Variants in HIF3A observed in about 807,000 individuals in gnomAD.
HIF3A encodes the protein hypoxia-inducible factor 3-alpha.
In HIF3A, 41 loss-of-function variants were observed where a neutral mutation model predicts 67.2. The observed-to-expected ratio is 0.61, with a 90% CI of 0.48 to 0.79. HIF3A has a LOEUF of 0.79. Ranked by LOEUF, HIF3A falls within the 30% of genes least tolerant of loss-of-function variation. HIF3A has a pLI of 0.00. For synonymous variants in HIF3A, 356 were observed against 374.8 expected (o/e 0.95, Z 0.58); for missense variants, 855 against 898.0 (o/e 0.95, Z 0.61).
At position 46,341,382 on chromosome 19, in the gene HIF3A, T is replaced by G. The variant is rs560358228; in HGVS notation, c.*1760T>G. ...GCCCAGCTAAGTTTTATATTTTTAG[T>G]AGAGACAGTGTTTCACCATGTTGGC... On this transcript the variant is annotated 3_prime_UTR_variant, in exon 15 of 15. Coordinates refer to ENST00000377670, the MANE Select transcript of HIF3A (RefSeq NM_152795.4). 1.3e-5 allele frequency: 2 copies of G among 152,186 alleles called. No individual in the cohort carries two copies. Among genetic ancestry groups the G allele is most frequent in the African/African-American group, 4.8e-5 (2 of 41,532 alleles). 9.4% of individuals were successfully genotyped at this position (152,186 alleles called of 1,614,324 possible). A position where few individuals can be genotyped will look rare whatever the true frequency, so the allele number is the denominator to read the frequency against.
chr19:46,324,943 C>CACAT (rs1970652028), intron 10 of HIF3A, among the ~76,000 whole-genome samples: 1 of 132,252 alleles, frequency 7.6e-6, no homozygotes, highest in African/African-American at 2.8e-5. Flanking sequence ...TATATATATA[C>CACAT]ATATATATAT....
In HIF3A at chr19:46,297,605, T is replaced by G. The variant is rs1182027402; in HGVS notation, c.26+503T>G. ...GTCCCTTGGAATGGCATTCAGCTCC[T>G]GAGTTCAAGAGAGGAGAGATCTCCT... On this transcript the variant is annotated intron_variant, in intron 1 of 14. Transcript: ENST00000377670. This position sits in a 1 kb window ranked among gnomAD's most constrained non-coding sequence, Gnocchi z 4.5. 1.3e-5 allele frequency among the ~76,000 whole-genome samples: 2 copies of G among 152,056 alleles called. No homozygotes were observed. Among genetic ancestry groups the G allele is most frequent in the African/African-American group, 4.8e-5 (2 of 41,420 alleles).
At chr19:46,298,935 G>A (rs1968095179) in intron 1 of HIF3A, among the ~76,000 whole-genome samples, 1 of 152,186 alleles carries the variant, frequency 6.6e-6, no homozygotes, top group Non-Finnish European at 1.5e-5. Context: ...AAGCCCAGAA[G>A]TAGCCCTGAA....
intron 2 of HIF3A, 132 bp from the exon 3 acceptor site, chr19:46,305,112 AC>A: frequency 7.9e-7 from 1 of 1,267,170 alleles, no homozygotes; most frequent in Non-Finnish European, 1.1e-6. Context: ...ACTAGGATGT[AC>A]CCCCACTTCC....
At chr19:46,303,528 G>A in intron 1 of HIF3A, 2 of 1,263,580 alleles carry the variant, frequency 1.6e-6, no homozygotes, top group Non-Finnish European at 2.2e-6. Flanking sequence ...CCCCTGGCCA[G>A]CTCAGCCAGC....
At chr19:46,310,714 C>G (rs1352906549) in intron 6 of HIF3A, 2 of 402,914 alleles carry the variant, frequency 5.0e-6, no homozygotes, top group Non-Finnish European at 1.0e-5. Context: ...GTGCAAAGCA[C>G]AAGTATCTAA....
chr19:46,316,851 T>G (rs1969957706), intron 8 of HIF3A, among the ~76,000 whole-genome samples: 1 of 151,628 alleles, frequency 6.6e-6, no homozygotes, highest in Non-Finnish European at 1.5e-5. Context: ...TTGAAGAAGG[T>G]TATCTTATAG....
At chr19:46,304,525 C>T (rs79141894) in intron 2 of HIF3A, among the ~76,000 whole-genome samples, 8,089 of 152,166 alleles carry the variant, frequency 0.053, 682 homozygotes, top group African/African-American at 0.18. Context: ...GTCCCTTCCC[C>T]ACCCCTCTAG....
At chr19:46,316,147 C>T (rs1969896860) in intron 8 of HIF3A, among the ~76,000 whole-genome samples, 1 of 152,100 alleles carries the variant, frequency 6.6e-6, no homozygotes, top group African/African-American at 2.4e-5. Context: ...AGGAGAATCA[C>T]TTGAACCTGG....
chr19:46,306,754 G>A (rs895342422), intron 3 of HIF3A, among the ~76,000 whole-genome samples: 1 of 152,164 alleles, frequency 6.6e-6, no homozygotes, highest in African/African-American at 2.4e-5. Context: ...TTTGGACCCA[G>A]AGAGATGAAT....
At chr19:46,305,085 C>T (rs1211506992) in intron 2 of HIF3A, 160 bp from the exon 3 acceptor site, 1 of 999,678 alleles carries the variant, frequency 1.0e-6, no homozygotes, top group Admixed American at 1.8e-5. Context: ...CTGCTTTCTT[C>T]CTTGGGAATC....
chr19:46,337,402 G>A (rs1971705977), intron 14 of HIF3A, among the ~76,000 whole-genome samples: 1 of 152,008 alleles, frequency 6.6e-6, no homozygotes, highest in Non-Finnish European at 1.5e-5. Context: ...ACTTGTAGCT[G>A]GGACTACAAG....
rs777671557 is a variant in HIF3A at position 46,312,542 on chromosome 19, G to A, written c.914G>A (p.Arg305His). ...SKGQAVTGQYRFLARSGGYLW... is the reference protein window; with the variant it reads ...SKGQAVTGQYHFLARSGGYLW... The stretch of plus-strand genomic sequence containing the variant: ...GGCCAGGCAGTAACAGGGCAGTATC[G>A]CTTCCTGGCCCGGAGTGGTGGCTAC... Residue 305 changes from arginine to histidine, a missense_variant, in exon 8 of 15, where the codon CGC (arginine) becomes CAC (histidine). By Grantham distance (29) the Arg-to-His change is conservative. Coordinates refer to ENST00000377670, the MANE Select transcript of HIF3A (RefSeq NM_152795.4). The A allele has an allele frequency of 1.9e-5, 30 of 1,613,814 alleles. No individual in the cohort carries two copies. The highest frequency in any genetic ancestry group is 2.7e-5 in the African/African-American group (2 of 74,884).
rs188889484 is a variant in HIF3A at position 46,302,077 on chromosome 19, A to G, written c.27-1821A>G. The stretch of plus-strand genomic sequence containing the variant: ...TATAGTAGATGTAACACATCATATA[A>G]TAATTTTTTATTTTGCCTATTTTTG... On this transcript the variant is annotated intron_variant, in intron 1 of 14. Transcript: ENST00000377670. Among the ~76,000 whole-genome samples the G allele has an allele frequency of 5.9e-5, 9 of 152,172 alleles. No individual in the cohort carries two copies. The East Asian group carries it at 1.5e-3, about 26-fold the overall frequency.
chr19:46,307,512 C>A (rs1968962317), intron 3 of HIF3A, among the ~76,000 whole-genome samples: 1 of 152,092 alleles, frequency 6.6e-6, no homozygotes, highest in Non-Finnish European at 1.5e-5. Flanking sequence ...CTTTGGAAGG[C>A]CAAAGTAGGC....
At position 46,311,398 on chromosome 19, in the gene HIF3A, C is replaced by G. The variant is rs188207158; in HGVS notation, c.771-763C>G. ...TTGAGGCCAGGAGTTCCGGATCAGCCTGGACAGCATAGTGAGACCTCATCT... is the reference window on the plus strand; with the variant it reads ...TTGAGGCCAGGAGTTCCGGATCAGCGTGGACAGCATAGTGAGACCTCATCT... On this transcript the variant is annotated intron_variant, in intron 6 of 14. Coordinates refer to ENST00000377670, the MANE Select transcript of HIF3A (RefSeq NM_152795.4). Among the ~76,000 whole-genome samples, 470 of 152,256 alleles carry G rather than the reference C, an allele frequency of 3.1e-3. 3 individuals carry two copies. Among genetic ancestry groups the G allele is most frequent in the Middle Eastern group, 0.014 (4 of 294 alleles).
chr19:46,333,771 C>A (rs1021513821), intron 13 of HIF3A, among the ~76,000 whole-genome samples: 40 of 142,928 alleles, frequency 2.8e-4, no homozygotes, highest in African/African-American at 1.0e-3. Flanking sequence ...TTTTCCTTTC[C>A]TTTCTTTTCT....
At chr19:46,313,144 G>C in intron 8 of HIF3A, 1 of 527,288 alleles carries the variant, frequency 1.9e-6, no homozygotes, top group Non-Finnish European at 2.4e-6. Flanking sequence ...CCAACTACTC[G>C]GGAGGCTGAG....
chr19:46,325,308 C>T (rs1465231322), intron 10 of HIF3A, among the ~76,000 whole-genome samples: 1 of 152,028 alleles, frequency 6.6e-6, no homozygotes, highest in Non-Finnish European at 1.5e-5. Flanking sequence ...GGCTCTGATC[C>T]TTCTAACTGG....
Sources: gnomAD v4.1 joint callset for allele counts (sites outside exome capture counted in the v4.1 genomes callset) on GRCh38, gnomAD v4.1.1 for gene constraint, Gnocchi (gnomAD v3.1) non-coding constraint, MANE v1.5 for transcripts, NCBI Gene and HGNC (gene_info 2026-07-23, HGNC 2026-07-21) for gene names.